Variants in ANKIB1 observed in about 807,000 individuals in gnomAD.
ANKIB1 encodes the protein ankyrin repeat and IBR domain-containing protein 1.
A neutral mutation model predicts 122.1 loss-of-function variants in ANKIB1; 43 were observed. The observed-to-expected ratio is 0.35, with a 90% confidence interval of 0.28 to 0.45. The LOEUF is 0.45. Among genes scored for constraint, ANKIB1 ranks in the 20% least tolerant of loss-of-function variants. The pLI, the probability that ANKIB1 is intolerant of heterozygous loss-of-function variation, is 1.00. For synonymous variants in ANKIB1, 390 were observed against 442.0 expected, an observed-to-expected ratio of 0.88 and a Z score of 1.48; for missense variants, 992 against 1,329.5, an observed-to-expected ratio of 0.75 and a Z score of 3.95.
chr7:92,294,647 G>A, intron 1 of ANKIB1: 1 of 381,534 alleles, frequency 2.6e-6, no homozygotes, highest in African/African-American at 2.1e-5. Context: ...TAATCCGAAG[G>A]ACTGCCTGTG....
At chr7:92,341,345 T>G (rs924129173) in intron 5 of ANKIB1, among the ~76,000 whole-genome samples, 3 of 151,934 alleles carry the variant, frequency 2.0e-5, no homozygotes, top group Non-Finnish European at 4.4e-5. Context: ...ATAACCTTTT[T>G]GGAAAGCCAT....
chr7:92,387,733 C>T (rs1804690435), intron 12 of ANKIB1, 65 bp from the exon 13 acceptor site: 4 of 1,232,706 alleles, frequency 3.2e-6, no homozygotes, highest in South Asian at 1.4e-5. Flanking sequence ...AAATGATTCC[C>T]CCAAAAAACT....
intron 11 of ANKIB1, among the ~76,000 whole-genome samples, chr7:92,384,047 G>T (rs1170559134): frequency 6.6e-6 from 1 of 152,146 alleles, no homozygotes; most frequent in African/African-American, 2.4e-5. Context: ...AAAGTCTCAA[G>T]ATACAAAATC....
At chr7:92,372,502 A>T (rs997994971) in intron 11 of ANKIB1, among the ~76,000 whole-genome samples, 1 of 152,210 alleles carries the variant, frequency 6.6e-6, no homozygotes, top group Non-Finnish European at 1.5e-5. Flanking sequence ...TCTGTATAAT[A>T]CAAGAACCCA....
intron 14 of ANKIB1, 76 bp downstream of exon 14, chr7:92,388,117 C>A: frequency 7.6e-7 from 1 of 1,322,240 alleles, no homozygotes; most frequent in Non-Finnish European, 1.1e-6. Flanking sequence ...GTAGGTTAGG[C>A]CCTGAAAGGA....
intron 5 of ANKIB1, among the ~76,000 whole-genome samples, chr7:92,342,273 T>C (rs545809751): frequency 1.3e-5 from 2 of 152,298 alleles, no homozygotes; most frequent in East Asian, 3.9e-4. Flanking sequence ...TTTCTTCGCC[T>C]AAATAATAAT....
At chr7:92,343,294 G>A (rs1385704868) in intron 6 of ANKIB1, 62 bp downstream of exon 6, 4 of 1,418,598 alleles carry the variant, frequency 2.8e-6, no homozygotes, top group Non-Finnish European at 2.9e-6. Context: ...ACATTCAAAT[G>A]ATTTAATATT....
At chr7:92,386,672 C>CT in intron 12 of ANKIB1, 29 bp downstream of exon 12, 1 of 1,533,312 alleles carries the variant, frequency 6.5e-7, no homozygotes, top group Non-Finnish European at 8.7e-7. Context: ...GCCAAGACAT[C>CT]TCTCTAAACC....
chr7:92,319,462 C>T lies in ANKIB1; in HGVS notation c.619C>T (p.Pro207Ser). 1 of 1,612,946 alleles carries T rather than the reference C, an allele frequency of 6.2e-7. No homozygotes were observed. The highest frequency in any genetic ancestry group is 1.3e-5 in the African/African-American group (1 of 74,910). ...LESQMVFSRD[P>S]EAEEIEAEYA... ...ATCTCAAATGGTATTCTCACGGGAT[C>T]CCGAGGCTGAAGAAATAGAAGCTGA... The change falls in exon 4 of 20, where the codon CCC becomes TCC. Residue 207 changes from proline to serine, a missense_variant. Transcript: ENST00000265742.
chr7:92,260,144 G>GGTAGT (rs1229698381), intron 1 of ANKIB1, among the ~76,000 whole-genome samples: 2 of 151,884 alleles, frequency 1.3e-5, no homozygotes, highest in Non-Finnish European at 2.9e-5. Flanking sequence ...AGAATAAAAA[G>GGTAGT]GTAGTGATTT....
chr7:92,252,841 G>A (rs1801356999), intron 1 of ANKIB1, among the ~76,000 whole-genome samples: 1 of 151,552 alleles, frequency 6.6e-6, no homozygotes, highest in South Asian at 2.1e-4. Context: ...TACTAGAGTA[G>A]ACAAAGTAGA....
chr7:92,250,784 T>C (rs1801314528), intron 1 of ANKIB1, among the ~76,000 whole-genome samples: 1 of 151,494 alleles, frequency 6.6e-6, no homozygotes, highest in African/African-American at 2.5e-5. Context: ...TATGATTCTG[T>C]CTAATACTTT....
chr7:92,335,212 T>C (rs1803260909), intron 5 of ANKIB1, among the ~76,000 whole-genome samples: 1 of 151,964 alleles, frequency 6.6e-6, no homozygotes, highest in South Asian at 2.1e-4. Context: ...TTTTCAAATA[T>C]TTGAGATTTT....
At chr7:92,365,283 A>G (rs1804046564) in intron 10 of ANKIB1, among the ~76,000 whole-genome samples, 1 of 152,196 alleles carries the variant, frequency 6.6e-6, no homozygotes, top group Admixed American at 6.5e-5. Context: ...GAGGCCAATT[A>G]TCTATGGGAG....
intron 1 of ANKIB1, among the ~76,000 whole-genome samples, chr7:92,268,479 C>T (rs572375948): frequency 3.3e-5 from 5 of 152,222 alleles, no homozygotes; most frequent in South Asian, 4.2e-4. Flanking sequence ...TGTCTTTACT[C>T]CTTTTGGTGG....
chr7:92,356,220 T>C (rs977152088), intron 9 of ANKIB1, among the ~76,000 whole-genome samples: 6 of 152,200 alleles, frequency 3.9e-5, no homozygotes, highest in Admixed American at 1.3e-4. Context: ...CAAGGGACTC[T>C]CCTGGAATCC....
rs562421029 is a variant in ANKIB1, at chr7:92,361,955, ATGTG to A, written c.1398-229_1398-226del. Among the ~76,000 whole-genome samples, 12 of 152,202 alleles carry A rather than the reference ATGTG, an allele frequency of 7.9e-5. No individual in the cohort carries two copies. The South Asian group carries it at 2.3e-3, about 29-fold the overall frequency. On this transcript the variant is annotated intron_variant, in intron 9 of 19. Coordinates refer to ENST00000265742, the MANE Select transcript of ANKIB1 (RefSeq NM_019004.2). ...CTCCTGAGTAGCTGGGATTATAGGC[ATGTG>A]CCACCACGCCCGACTAATTTTTTGT...
At chr7:92,288,905 A>G (rs963960456) in intron 1 of ANKIB1, among the ~76,000 whole-genome samples, 7 of 152,178 alleles carry the variant, frequency 4.6e-5, no homozygotes, top group African/African-American at 1.7e-4. Context: ...GACCATGGTA[A>G]CTCTGAATGC....
chr7:92,390,163 T>C (rs763894548), intron 15 of ANKIB1, 47 bp downstream of exon 15: 71 of 1,378,430 alleles, frequency 5.2e-5, no homozygotes, highest in Non-Finnish European at 1.1e-5. Context: ...TATTATGAAA[T>C]ACAGAATTTT....
Sources: gnomAD v4.1 joint callset for allele counts (sites outside exome capture counted in the v4.1 genomes callset) on GRCh38, gnomAD v4.1.1 for gene constraint, MANE v1.5 for transcripts, NCBI Gene and HGNC (gene_info 2026-07-23, HGNC 2026-07-21) for gene names.